Variants in HPSE2 observed in about 807,000 individuals in gnomAD.
The protein encoded by HPSE2 is heparanase 2 (inactive).
Under a neutral mutation model 60.5 loss-of-function variants are expected in HPSE2, and 38 were observed. That is an observed-to-expected ratio of 0.63 (90% CI 0.48 to 0.82). HPSE2 has a LOEUF of 0.82. Ranked by LOEUF, HPSE2 falls within the 40% of genes least tolerant of loss-of-function variation. The pLI is 0.00. For missense variants in HPSE2, 713 were observed against 740.4 expected, an observed-to-expected ratio of 0.96 and a Z score of 0.43; for synonymous variants, 295 against 293.2, an observed-to-expected ratio of 1.01 and a Z score of -0.06.
At chr10:98,667,075 C>T (rs1947383043) in intron 6 of HPSE2, among the ~76,000 whole-genome samples, 1 of 151,324 alleles carries the variant, frequency 6.6e-6, no homozygotes, top group Middle Eastern at 3.4e-3. Flanking sequence ...ATCAGAAAGA[C>T]AAAGATGACA....
chr10:98,915,268 G>A (rs200522886), intron 3 of HPSE2, among the ~76,000 whole-genome samples: 14 of 150,726 alleles, frequency 9.3e-5, no homozygotes, highest in African/African-American at 2.7e-4. Flanking sequence ...CTGCCTCAGC[G>A]TCCCGAGTAG....
At chr10:98,850,685 G>A (rs1165714239) in intron 3 of HPSE2, among the ~76,000 whole-genome samples, 2 of 148,762 alleles carry the variant, frequency 1.3e-5, no homozygotes, top group South Asian at 4.3e-4. Flanking sequence ...TGCAGTGAGC[G>A]GAGATCGCGC....
intron 11 of HPSE2, among the ~76,000 whole-genome samples, chr10:98,478,051 T>C (rs1241244481): frequency 6.6e-6 from 1 of 152,220 alleles, no homozygotes; most frequent in Non-Finnish European, 1.5e-5. Flanking sequence ...TCCCTGGTGC[T>C]AAAACAGTTG....
At chr10:99,008,976 G>T (rs376588828) in intron 3 of HPSE2, among the ~76,000 whole-genome samples, 16 of 152,194 alleles carry the variant, frequency 1.1e-4, no homozygotes, top group African/African-American at 3.6e-4. Flanking sequence ...ACTTCAACCT[G>T]AAAGTTCCTG....
Position 98,928,496 on chromosome 10 carries a change from C to G in HPSE2, c.611-184440G>C, listed in dbSNP as rs1164316518. ...CAGCCATCCCATTACTGGGTATATA[C>G]CCAAAGGACTATAAATCATGCTGCT... On this transcript the variant is annotated intron_variant, in intron 3 of 11. Transcript: ENST00000370552. 1.8e-5 allele frequency among the ~76,000 whole-genome samples: 2 copies of G among 108,278 alleles called. 1 individual carries two copies. The allele number at this position is 108,278 out of a possible 152,430, so 71.0% of individuals were successfully genotyped here.
At position 98,614,993 on chromosome 10, in the gene HPSE2, C is replaced by T. The variant is rs1345635772; in HGVS notation, c.1231G>A (p.Ala411Thr). ...FLWLNTLGML[A>T]NQGIDVVIRH... ...ATCACGACATCAATGCCCTGATTGG[C>T]CAGCATTCCTAAAGTGTTCAACCAT... Residue 411 changes from alanine (A) to threonine (T), a missense_variant, in exon 9 of 12, where the codon GCC (alanine) becomes ACC (threonine). Transcript: ENST00000370552. The T allele has an allele frequency of 1.2e-6, 2 of 1,613,756 alleles. No homozygotes were observed. The highest frequency in any genetic ancestry group is 2.2e-5 in the East Asian group (1 of 44,860).
intron 9 of HPSE2, among the ~76,000 whole-genome samples, chr10:98,537,734 T>C (rs1227571595): frequency 6.6e-6 from 1 of 152,160 alleles, no homozygotes; most frequent in Non-Finnish European, 1.5e-5. Flanking sequence ...TCTCCTTTCC[T>C]TGGAGGAGTC....
At chr10:98,967,225 T>G (rs1955835941) in intron 3 of HPSE2, among the ~76,000 whole-genome samples, 1 of 151,972 alleles carries the variant, frequency 6.6e-6, no homozygotes, top group Non-Finnish European at 1.5e-5. Flanking sequence ...CTAGAAAGAG[T>G]TTAGCACATG....
rs1172592906 is a variant in HPSE2, at chr10:99,126,865, C to T, written c.610+17373G>A. 6.6e-6 allele frequency among the ~76,000 whole-genome samples: 1 copy of T among 152,068 alleles called. No homozygotes were observed. Among genetic ancestry groups the T allele is most frequent in the Non-Finnish European group, 1.5e-5 (1 of 68,022 alleles). ...CAGAACCAGCTTGGAGCCTGGGAGC[C>T]CCACTTGATAGCGAGACCCAGAAGG... On this transcript the variant is annotated intron_variant, in intron 3 of 11. Transcript: ENST00000370552. This position sits in a 1 kb window ranked among gnomAD's most constrained non-coding sequence, Gnocchi z 4.0.
At chr10:98,971,903 A>G (rs1244020031) in intron 3 of HPSE2, among the ~76,000 whole-genome samples, 1 of 152,124 alleles carries the variant, frequency 6.6e-6, no homozygotes, top group East Asian at 1.9e-4. Context: ...CAGAATATGA[A>G]GGTTCCTATA....
intron 3 of HPSE2, among the ~76,000 whole-genome samples, chr10:99,065,582 AC>A (rs763386351): frequency 7.2e-5 from 11 of 152,318 alleles, no homozygotes; most frequent in Middle Eastern, 3.4e-3. Context: ...AAACAGATAA[AC>A]AGGCATAAAA....
At chr10:98,623,076 G>A (rs2133991457) in intron 7 of HPSE2, among the ~76,000 whole-genome samples, 1 of 152,138 alleles carries the variant, frequency 6.6e-6, no homozygotes, top group South Asian at 2.1e-4. Context: ...TGGCTTACAG[G>A]ATATTTAATG....
rs190979390 is a variant in HPSE2 at position 98,604,914 on chromosome 10, C to G, written c.1320+9990G>C. Among the ~76,000 whole-genome samples, 187 of 152,296 alleles carry G rather than the reference C, an allele frequency of 1.2e-3. 1 individual carries two copies. Among genetic ancestry groups the G allele is most frequent in the Non-Finnish European group, 2.2e-3 (148 of 68,022 alleles). On this transcript the variant is annotated intron_variant, in intron 9 of 11. Coordinates refer to ENST00000370552, the MANE Select transcript of HPSE2 (RefSeq NM_021828.5). ...GTGAGTTGGTGTCAGAATGTGGAAT[C>G]AGATCCAGAACTCCTGGTCTTCCAG...
At chr10:98,864,458 T>C (rs558688944) in intron 3 of HPSE2, among the ~76,000 whole-genome samples, 1 of 152,298 alleles carries the variant, frequency 6.6e-6, no homozygotes, top group South Asian at 2.1e-4. Context: ...ATATTGCTTC[T>C]ATTGAGAATA....
chr10:98,474,741 T>C (rs1403612915), intron 11 of HPSE2, among the ~76,000 whole-genome samples: 1 of 152,212 alleles, frequency 6.6e-6, no homozygotes, highest in African/African-American at 2.4e-5. Context: ...GAGAGGCTCA[T>C]GCAGATCTGA....
chr10:98,676,774 A>G (rs1045790329), intron 6 of HPSE2, among the ~76,000 whole-genome samples: 2 of 152,190 alleles, frequency 1.3e-5, no homozygotes, highest in Admixed American at 6.5e-5. Context: ...GACAGAGAGT[A>G]TAAAGTTCAC....
intron 3 of HPSE2, among the ~76,000 whole-genome samples, chr10:98,767,117 T>G (rs1052904044): frequency 6.6e-6 from 1 of 152,190 alleles, no homozygotes; most frequent in Admixed American, 6.5e-5. Context: ...AAATGGCATC[T>G]ACAAAATGTT....
At chr10:98,556,496 C>T (rs988339653) in intron 9 of HPSE2, among the ~76,000 whole-genome samples, 1 of 152,160 alleles carries the variant, frequency 6.6e-6, no homozygotes, top group African/African-American at 2.4e-5. Context: ...ATAAGGTCAA[C>T]ATACAAATGT....
At chr10:99,217,899 A>G (rs2133923285) in intron 2 of HPSE2, among the ~76,000 whole-genome samples, 1 of 152,110 alleles carries the variant, frequency 6.6e-6, no homozygotes, top group East Asian at 1.9e-4. Context: ...ATATTTTTTA[A>G]AGCTCCCCTA....
Sources: gnomAD v4.1 joint callset for allele counts (sites outside exome capture counted in the v4.1 genomes callset) on GRCh38, gnomAD v4.1.1 for gene constraint, Gnocchi (gnomAD v3.1) non-coding constraint, MANE v1.5 for transcripts, NCBI Gene and HGNC (gene_info 2026-07-23, HGNC 2026-07-21) for gene names.